The following SEMA3C variants were observed in gnomAD, a reference collection of about 807,000 sequenced individuals.
SEMA3C encodes semaphorin-3C.
In SEMA3C, 47 loss-of-function variants were observed where a neutral mutation model predicts 89.4. That is an observed-to-expected ratio of 0.53 (90% CI 0.42 to 0.67). SEMA3C has a LOEUF of 0.67. SEMA3C is among the 30% of genes least tolerant of loss of function. The pLI, the probability that SEMA3C is intolerant of heterozygous loss-of-function variation, is 0.00. For missense variants in SEMA3C, 839 were observed against 929.1 expected, an observed-to-expected ratio of 0.90 and a Z score of 1.26; for synonymous variants, 310 against 320.2, an observed-to-expected ratio of 0.97 and a Z score of 0.34.
chr7:80,802,584 T>C, intron 9 of SEMA3C, 81 bp downstream of exon 9: 1 of 811,828 alleles, frequency 1.2e-6, no homozygotes, highest in Non-Finnish European at 2.0e-6. Context: ...GGAAAGTACA[T>C]CTTCTTTTGA....
intron 2 of SEMA3C, among the ~76,000 whole-genome samples, chr7:80,873,903 T>C (rs1304149229): frequency 1.3e-5 from 2 of 152,144 alleles, no homozygotes; most frequent in Admixed American, 6.5e-5. Flanking sequence ...CTAGCCTTAT[T>C]TGCACCATTA....
rs1449995090 is a variant in SEMA3C at position 80,754,957 on chromosome 7, G to GTTTTTTTTTTGTTTTTTTTTTTTT, written c.1643+3373_1643+3374insAAAAAAAAAAAAACAAAAAAAAAA. Among the ~76,000 whole-genome samples the GTTTTTTTTTTGTTTTTTTTTTTTT allele has an allele frequency of 8.0e-3, 860 of 108,154 alleles. 22 individuals carry two copies. Among genetic ancestry groups the GTTTTTTTTTTGTTTTTTTTTTTTT allele is most frequent in the Middle Eastern group, 0.02 (4 of 200 alleles). The allele number at this position is 108,154 out of a possible 152,430, so 71.0% of individuals were successfully genotyped here. ...CATGCCTGGCGAATTGTTTTTTTTT[G>GTTTTTTTTTTGTTTTTTTTTTTTT]TTTTTTTTTTTTTTGTATTTTTAGT... On this transcript the variant is annotated intron_variant, in intron 15 of 17. Transcript: ENST00000265361.
chr7:80,746,793 T>C lies in SEMA3C; in HGVS notation c.1843-1486A>G, dbSNP rs77362339. ...ACATATTTGGAGAAATATATAACTCTTGGGAACCTTACTCTGGGCAGTGGG... is the reference window on the plus strand; with the variant it reads ...ACATATTTGGAGAAATATATAACTCCTGGGAACCTTACTCTGGGCAGTGGG... On this transcript the variant is annotated intron_variant, in intron 17 of 17. Coordinates refer to ENST00000265361, the MANE Select transcript of SEMA3C (RefSeq NM_006379.5). Among the ~76,000 whole-genome samples, 2,199 of 150,254 alleles carry C rather than the reference T, an allele frequency of 0.015. 184 individuals carry two copies. In the East Asian group the frequency reaches 0.24, roughly 16 times the overall value.
At chr7:80,861,274 A>G (rs1282237838) in intron 2 of SEMA3C, among the ~76,000 whole-genome samples, 1 of 152,198 alleles carries the variant, frequency 6.6e-6, no homozygotes, top group African/African-American at 2.4e-5. Context: ...ACAGGGCAAC[A>G]GCTTCTAGAT....
At chr7:80,797,989 C>T (rs1460081254) in intron 11 of SEMA3C, 103 bp downstream of exon 11, 22 of 1,168,010 alleles carry the variant, frequency 1.9e-5, no homozygotes, top group Non-Finnish European at 2.4e-6. Context: ...CAGAGTGAGA[C>T]TCCGTCTCAA....
intron 12 of SEMA3C, 67 bp downstream of exon 12, chr7:80,789,239 C>T: frequency 7.9e-7 from 1 of 1,263,844 alleles, no homozygotes. Context: ...ATGGCCCTTA[C>T]CTACTACCTA....
chr7:80,855,398 G>A lies in SEMA3C; in HGVS notation c.104-26653C>T, dbSNP rs545300080. The stretch of plus-strand genomic sequence containing the variant: ...TTGAACTCCCAATTCAGCCTCTGGA[G>A]TAGCCAGGACTACAGGTGAGCACTA... On this transcript the variant is annotated intron_variant, in intron 2 of 17. Coordinates refer to ENST00000265361, the MANE Select transcript of SEMA3C (RefSeq NM_006379.5). Among the ~76,000 whole-genome samples the A allele has an allele frequency of 5.9e-5, 9 of 152,196 alleles. No homozygotes were observed. In the South Asian group the frequency reaches 1.7e-3, roughly 28 times the overall value.
intron 12 of SEMA3C, among the ~76,000 whole-genome samples, chr7:80,780,946 C>A (rs545097776): frequency 5.3e-5 from 8 of 152,252 alleles, no homozygotes; most frequent in Admixed American, 3.9e-4. Flanking sequence ...ACAGGTCTCA[C>A]TGCACTAAAA....
At chr7:80,797,660 G>A (rs1054309079) in intron 11 of SEMA3C, among the ~76,000 whole-genome samples, 2 of 152,078 alleles carry the variant, frequency 1.3e-5, no homozygotes, top group Non-Finnish European at 2.9e-5. Context: ...CTATCTCTAT[G>A]TGAAGTATCT....
intron 7 of SEMA3C, among the ~76,000 whole-genome samples, chr7:80,805,363 T>C (rs997370416): frequency 1.3e-5 from 2 of 152,126 alleles, no homozygotes; most frequent in Non-Finnish European, 2.9e-5. Context: ...GATGCTTGGG[T>C]ACTGAAATAT....
At chr7:80,889,614 T>G (rs550422082) in intron 2 of SEMA3C, among the ~76,000 whole-genome samples, 1 of 152,234 alleles carries the variant, frequency 6.6e-6, no homozygotes, top group African/African-American at 2.4e-5. Flanking sequence ...TTATTTTGGG[T>G]AACATAAATA....
intron 2 of SEMA3C, among the ~76,000 whole-genome samples, chr7:80,904,071 T>C (rs1475698340): frequency 6.6e-6 from 1 of 152,216 alleles, no homozygotes; most frequent in African/African-American, 2.4e-5. Flanking sequence ...GACAGAGTTG[T>C]GCTCTGTTGT....
intron 2 of SEMA3C, among the ~76,000 whole-genome samples, chr7:80,835,591 GA>G (rs1291929065): frequency 2.0e-5 from 3 of 149,972 alleles, no homozygotes; most frequent in South Asian, 2.1e-4. Context: ...TGTCTGTTTA[GA>G]AAAAAAAATA....
chr7:80,765,305 A>G (rs1788273874), intron 12 of SEMA3C, 62 bp from the exon 13 acceptor site: 2 of 1,208,086 alleles, frequency 1.7e-6, no homozygotes, highest in Non-Finnish European at 2.4e-6. Context: ...CTATTTAGAC[A>G]TAGGACTACT....
At chr7:80,775,450 A>ATG (rs1236495266) in intron 12 of SEMA3C, among the ~76,000 whole-genome samples, 1 of 152,150 alleles carries the variant, frequency 6.6e-6, no homozygotes, top group African/African-American at 2.4e-5. Flanking sequence ...ACAGACCTAT[A>ATG]TGTGATATCT....
In SEMA3C at chr7:80,834,807, T is replaced by C. The variant is rs1347142831; in HGVS notation, c.104-6062A>G. Among the ~76,000 whole-genome samples, 5 of 152,202 alleles carry C rather than the reference T, an allele frequency of 3.3e-5. No individual in the cohort carries two copies. The South Asian group carries it at 6.2e-4, about 19-fold the overall frequency. ...AAGGCCAGAGTATTTGCATATAACC[T>C]ACCCACATCCTCCCTATACTTTAAA... On this transcript the variant is annotated intron_variant, in intron 2 of 17. Transcript: ENST00000265361.
chr7:80,773,425 T>C (rs925103604), intron 12 of SEMA3C, among the ~76,000 whole-genome samples: 2 of 152,188 alleles, frequency 1.3e-5, no homozygotes, highest in Non-Finnish European at 2.9e-5. Flanking sequence ...GAAAATCTTC[T>C]GGAGGGCAAT....
chr7:80,749,766 C>G (rs2117029353), intron 16 of SEMA3C, among the ~76,000 whole-genome samples: 1 of 152,172 alleles, frequency 6.6e-6, no homozygotes, highest in Admixed American at 6.6e-5. Flanking sequence ...GGACAGAATC[C>G]TCACTAATAA....
intron 2 of SEMA3C, among the ~76,000 whole-genome samples, chr7:80,856,900 T>TC (rs1230093828): frequency 6.6e-6 from 1 of 152,050 alleles, no homozygotes; most frequent in East Asian, 1.9e-4. Flanking sequence ...AAATGGACAT[T>TC]CCATTTGCCT....
Sources: gnomAD v4.1 joint callset for allele counts (sites outside exome capture counted in the v4.1 genomes callset) on GRCh38, gnomAD v4.1.1 for gene constraint, MANE v1.5 for transcripts, NCBI Gene and HGNC (gene_info 2026-07-23, HGNC 2026-07-21) for gene names.